Variants in SMC4 observed in about 807,000 individuals in gnomAD.
SMC4 encodes structural maintenance of chromosomes protein 4.
A neutral mutation model predicts 145.6 loss-of-function variants in SMC4; 87 were observed. The observed-to-expected ratio is 0.60, with a 90% CI of 0.50 to 0.71. The LOEUF (loss-of-function observed/expected upper bound fraction) is 0.71, where lower values mean the gene tolerates loss of function less well. SMC4 is among the 30% of genes least tolerant of loss of function. The probability of loss-of-function intolerance (pLI) is 0.00; values close to 1 mark genes in which losing one functional copy is unlikely to be tolerated. For missense variants in SMC4, 1,447 were observed against 1,537.1 expected (o/e 0.94, Z 0.98); for synonymous variants, 558 against 500.7 (o/e 1.11, Z -1.53).
chr3:160,433,627 A>T, intron 23 of SMC4, 30 bp from the exon 24 acceptor site: 1 of 1,393,788 alleles, frequency 7.2e-7, no homozygotes, highest in Non-Finnish European at 9.8e-7. Flanking sequence ...GTTATTACTT[A>T]ATGTTTGACT....
intron 20 of SMC4, 23 bp from the exon 21 acceptor site, chr3:160,431,620 T>C (rs1576999020): frequency 1.3e-6 from 2 of 1,534,208 alleles, no homozygotes; most frequent in Non-Finnish European, 8.8e-7. Context: ...CTTCTCTAAC[T>C]CTCCCCTAAA....
chr3:160,430,497 A>G, intron 18 of SMC4, 102 bp from the exon 19 acceptor site: 2 of 1,065,430 alleles, frequency 1.9e-6, no homozygotes, highest in Non-Finnish European at 2.6e-6. Context: ...TATGAATAGA[A>G]AAAATGTCAC....
In SMC4 at chr3:160,400,892, C is replaced by G. The variant is rs753812531; in HGVS notation, c.66C>G (p.Ser22=). ...GAGAGGAAGGGCCGCCGCCGCCGTCCCCTGACGGCGCCAGCAGCGACGCGG... is the reference window on the plus strand; with the variant it reads ...GAGAGGAAGGGCCGCCGCCGCCGTCGCCTGACGGCGCCAGCAGCGACGCGG... ...RRREEGPPPP[S]PDGASSDAEP... The change falls in exon 2 of 24, where the codon TCC becomes TCG. Residue 22 remains serine, a synonymous_variant. Coordinates refer to ENST00000357388, the MANE Select transcript of SMC4 (RefSeq NM_001002800.3). 7.3e-6 allele frequency: 11 copies of G among 1,508,450 alleles called. No individual in the cohort carries two copies. In the South Asian group the frequency reaches 1.1e-4, roughly 15 times the overall value. The allele number at this position is 1,508,450 out of a possible 1,614,324, so 93.4% of individuals were successfully genotyped here.
chr3:160,411,805 C>T, intron 5 of SMC4, 115 bp from the exon 6 acceptor site: 1 of 726,850 alleles, frequency 1.4e-6, no homozygotes, highest in South Asian at 2.3e-5. Flanking sequence ...ACTAACTGTA[C>T]ATTATTTAGA....
chr3:160,400,750 T>A (rs1486116201), intron 1 of SMC4, 72 bp from the exon 2 acceptor site: 1 of 1,403,934 alleles, frequency 7.1e-7, no homozygotes, highest in African/African-American at 1.5e-5. Context: ...TGGACCGAGA[T>A]TTCCCCGGGT....
chr3:160,430,011 G>A (rs903890093), intron 18 of SMC4, among the ~76,000 whole-genome samples: 3 of 152,030 alleles, frequency 2.0e-5, no homozygotes, highest in East Asian at 1.9e-4. Flanking sequence ...CACCGCACCC[G>A]GCCTTAATTT....
At chr3:160,422,350 T>G (rs1717273388) in intron 13 of SMC4, among the ~76,000 whole-genome samples, 1 of 152,242 alleles carries the variant, frequency 6.6e-6, no homozygotes, top group Admixed American at 6.5e-5. Context: ...TACATCCTCG[T>G]TAACACTTGT....
At position 160,434,551 on chromosome 3, in the gene SMC4, G is replaced by T. The variant is rs997209476; in HGVS notation, c.*742G>T. 1 of 152,190 alleles carries T rather than the reference G, an allele frequency of 6.6e-6. No homozygotes were observed. The highest frequency in any genetic ancestry group is 1.5e-5 in the Non-Finnish European group (1 of 68,046). The allele number at this position is 152,190 out of a possible 1,614,324, so 9.4% of individuals were successfully genotyped here. On this transcript the variant is annotated 3_prime_UTR_variant, in exon 24 of 24. Transcript: ENST00000357388. The stretch of plus-strand genomic sequence containing the variant: ...TTTCAACTTGATAGTTTCAACTTAT[G>T]ATAGGTTTACCAGGATGTAGTCCCA...
chr3:160,431,569 C>T (rs1718409216), intron 20 of SMC4, 74 bp from the exon 21 acceptor site: 13 of 1,150,442 alleles, frequency 1.1e-5, no homozygotes. Context: ...TGTAATTTGT[C>T]ATATTTTTTT....
At chr3:160,420,712 C>G (rs1450907741) in intron 12 of SMC4, 28 bp from the exon 13 acceptor site, 11 of 1,603,892 alleles carry the variant, frequency 6.9e-6, no homozygotes, top group Non-Finnish European at 9.3e-6. Context: ...CTGCCTAACT[C>G]TTTTTTCACC....
chr3:160,411,758 T>A, intron 5 of SMC4, 162 bp from the exon 6 acceptor site: 1 of 525,278 alleles, frequency 1.9e-6, no homozygotes. Flanking sequence ...CCAGTGAAAA[T>A]AACATTTTTA....
At chr3:160,419,969 T>C (rs1716999469) in intron 12 of SMC4, among the ~76,000 whole-genome samples, 1 of 152,184 alleles carries the variant, frequency 6.6e-6, no homozygotes, top group Admixed American at 6.5e-5. Flanking sequence ...AATTTTTTTA[T>C]ATATTTGGGG....
At chr3:160,426,977 G>A (rs143063830) in intron 17 of SMC4, among the ~76,000 whole-genome samples, 1 of 152,142 alleles carries the variant, frequency 6.6e-6, no homozygotes, top group Non-Finnish European at 1.5e-5. Flanking sequence ...CCATCCCAAA[G>A]AACTAATGAG....
chr3:160,423,349 G>GTTT (rs369027493), intron 13 of SMC4, 76 bp from the exon 14 acceptor site: 26 of 812,536 alleles, frequency 3.2e-5, no homozygotes, highest in East Asian at 5.2e-5. Context: ...ATTCCTATGG[G>GTTT]TTTTTTTTTG....
At chr3:160,404,924 T>G (rs1459843234) in intron 5 of SMC4, 2 of 343,996 alleles carry the variant, frequency 5.8e-6, no homozygotes, top group African/African-American at 4.4e-5. Context: ...TTCCTTTGTT[T>G]TTGTTCTTAT....
intron 1 of SMC4, 128 bp from the exon 2 acceptor site, chr3:160,400,694 C>T (rs1301775857): frequency 1.7e-5 from 21 of 1,221,444 alleles, no homozygotes; most frequent in Admixed American, 4.1e-5. Context: ...TTCCCGAAGT[C>T]CCGCTGCCTC....
Position 160,416,356 on chromosome 3 carries a change from T to C in SMC4, c.1378T>C (p.Leu460=). Residue 460 remains leucine, a synonymous_variant, in exon 10 of 24, where the codon TTA becomes CTA. Coordinates refer to ENST00000357388, the MANE Select transcript of SMC4 (RefSeq NM_001002800.3). ...GGAAAAAGAGAAAGAAGAAAAAAAA[T>C]TAAAGGAAGTTATGGATAGCCTTAA... The part of the protein sequence containing the change: ...EKEKEKEEKK[L]KEVMDSLKQE... 1 of 1,597,724 alleles carries C rather than the reference T, an allele frequency of 6.3e-7. No individual in the cohort carries two copies.
chr3:160,432,177 GGGCGTC>G (rs1718482325), intron 21 of SMC4, 100 bp from the exon 22 acceptor site: 1 of 880,452 alleles, frequency 1.1e-6, no homozygotes, highest in Admixed American at 2.7e-5. Flanking sequence ...ACTCCAGCCT[GGGCGTC>G]AGGGCAAGAC....
In SMC4 at chr3:160,433,100, C is replaced by T; in HGVS notation, c.3605C>T (p.Ala1202Val). The stretch of plus-strand genomic sequence containing the variant: ...GGAGAGAAAACACTTAGTTCATTGG[C>T]TTTAGTATTTGCTCTTCACCACTAC... Reference protein sequence around the residue: ...SGGEKTLSSLALVFALHHYKP... With the variant: ...SGGEKTLSSLVLVFALHHYKP... The change falls in exon 23 of 24, where the codon GCT becomes GTT. Residue 1202 changes from alanine (A) to valine (V), a missense_variant. Coordinates refer to ENST00000357388, the MANE Select transcript of SMC4 (RefSeq NM_001002800.3). 1 of 1,613,292 alleles carries T rather than the reference C, an allele frequency of 6.2e-7. No individual in the cohort carries two copies. The highest frequency in any genetic ancestry group is 8.5e-7 in the Non-Finnish European group (1 of 1,179,360).
Sources: allele counts gnomAD v4.1 joint callset (sites outside exome capture counted in the v4.1 genomes callset), GRCh38; gene constraint gnomAD v4.1.1; transcripts MANE v1.5; gene names NCBI Gene and HGNC (gene_info 2026-07-23, HGNC 2026-07-21).